The following PTCHD1 variants were observed in gnomAD, a reference collection of about 807,000 sequenced individuals.
PTCHD1 encodes patched domain containing 1.
A neutral mutation model predicts 34.6 loss-of-function variants in PTCHD1; 3 were observed. That is an observed-to-expected ratio of 0.09 (90% CI 0.04 to 0.22). PTCHD1 has a LOEUF of 0.22. PTCHD1 is among the 10% of genes least tolerant of loss of function. The pLI is 1.00. For missense variants in PTCHD1, 504 were observed against 685.5 expected (o/e 0.74, Z 2.96); for synonymous variants, 305 against 283.1 (o/e 1.08, Z -0.77).
At chrX:23,342,320 T>G (rs1601901799) in intron 1 of PTCHD1, among the ~76,000 whole-genome samples, 2 of 47,413 alleles carry the variant, frequency 4.2e-5, no homozygotes, top group Admixed American at 2.7e-4. Context: ...ATTTTTTTTT[T>G]TTTTTTTTTT....
intron 1 of PTCHD1, among the ~76,000 whole-genome samples, chrX:23,344,736 G>A: frequency 9.0e-6 from 1 of 111,430 alleles, no homozygotes; most frequent in Admixed American, 9.5e-5. Context: ...CATGCCTGAT[G>A]GGGCTTTGCA....
rs1361900166 is a variant in PTCHD1, at chrX:23,399,555, G to A, written c.*5370G>A. On this transcript the variant is annotated 3_prime_UTR_variant, in exon 3 of 3. Coordinates refer to ENST00000379361, the MANE Select transcript of PTCHD1 (RefSeq NM_173495.3). ...TCCTGGTGTCCTCATTTTGGCTAAT[G>A]AGCAATCAAGAACTTTTGAACTATC... is the stretch of plus-strand genomic sequence containing the variant. The A allele has an allele frequency of 8.9e-6, 1 of 112,022 alleles. No homozygotes were observed. The highest frequency in any genetic ancestry group is 1.9e-5 in the Non-Finnish European group (1 of 53,220). 9.2% of individuals were successfully genotyped at this position (112,022 alleles called of 1,213,427 possible).
intron 2 of PTCHD1, among the ~76,000 whole-genome samples, chrX:23,387,305 C>T (rs1414864122): frequency 1.8e-5 from 2 of 111,468 alleles, no homozygotes; most frequent in African/African-American, 6.5e-5. Flanking sequence ...AGGCTTTGGT[C>T]AGGCCCCAGA....
At chrX:23,358,344 T>C (rs944857651) in intron 1 of PTCHD1, among the ~76,000 whole-genome samples, 21 of 112,135 alleles carry the variant, frequency 1.9e-4, no homozygotes, top group Non-Finnish European at 3.6e-4. Flanking sequence ...TTTTAATGAT[T>C]GCCATTCTAA....
chrX:23,377,592 G>A (rs1052140078), intron 1 of PTCHD1, among the ~76,000 whole-genome samples: 1 of 108,620 alleles, frequency 9.2e-6, no homozygotes, highest in Admixed American at 9.9e-5. Flanking sequence ...GTGTGTGTGT[G>A]TGTGTGTGTG....
rs1447432751 is a variant in PTCHD1, at chrX:23,388,569, G to A, written c.1013-3962G>A. Among the ~76,000 whole-genome samples, 13 of 111,963 alleles carry A rather than the reference G, an allele frequency of 1.2e-4. No individual in the cohort carries two copies. The Admixed American group carries it at 1.2e-3, about 11-fold the overall frequency. On this transcript the variant is annotated intron_variant, in intron 2 of 2. Coordinates refer to ENST00000379361, the MANE Select transcript of PTCHD1 (RefSeq NM_173495.3). ...GGGTTGTGCGTGGTGGCTCATGCCTGTATAGAATCCCAGCACTTTGGGAGG... is the reference window on the plus strand; with the variant it reads ...GGGTTGTGCGTGGTGGCTCATGCCTATATAGAATCCCAGCACTTTGGGAGG...
intron 1 of PTCHD1, among the ~76,000 whole-genome samples, chrX:23,361,665 G>A (rs1316393361): frequency 8.9e-6 from 1 of 111,753 alleles, no homozygotes; most frequent in Non-Finnish European, 1.9e-5. Flanking sequence ...GGTTAATATT[G>A]TTATGTGTGA....
chrX:23,373,263 G>A (rs1202750273), intron 1 of PTCHD1, among the ~76,000 whole-genome samples: 3 of 112,448 alleles, frequency 2.7e-5, no homozygotes, highest in African/African-American at 9.7e-5. Context: ...GTCAGTACCC[G>A]CAATAAGAGT....
At chrX:23,378,039 A>T (rs183162458) in intron 1 of PTCHD1, among the ~76,000 whole-genome samples, 1 of 111,934 alleles carries the variant, frequency 8.9e-6, no homozygotes, top group East Asian at 2.8e-4. Context: ...CTCTTGAGAG[A>T]GTCCACTCAG....
intron 1 of PTCHD1, among the ~76,000 whole-genome samples, chrX:23,345,437 A>G (rs768549792): frequency 2.7e-5 from 3 of 112,278 alleles, no homozygotes; most frequent in Non-Finnish European, 3.8e-5. Flanking sequence ...TTTTGAGTAG[A>G]GCAGTAGATT....
chrX:23,363,393 G>A (rs953788663), intron 1 of PTCHD1, among the ~76,000 whole-genome samples: 5 of 112,872 alleles, frequency 4.4e-5, no homozygotes, highest in South Asian at 3.7e-4. Flanking sequence ...CTGCTACCTC[G>A]CAGGTCGATC....
At chrX:23,354,248 G>C (rs1029664391) in intron 1 of PTCHD1, among the ~76,000 whole-genome samples, 1 of 110,564 alleles carries the variant, frequency 9.0e-6, no homozygotes, top group African/African-American at 3.3e-5. Flanking sequence ...AAATTAGAGC[G>C]GTAGCCCTTC....
intron 1 of PTCHD1, among the ~76,000 whole-genome samples, chrX:23,374,009 T>G (rs1272714306): frequency 9.0e-6 from 1 of 110,833 alleles, no homozygotes; most frequent in African/African-American, 3.3e-5. Context: ...TGCAGCTTAT[T>G]TGGGAGTAGA....
rs769505128 is a variant in PTCHD1, at chrX:23,397,999, T to A, written c.*3814T>A. ...ATAATATCAGTAAATGTCTTTAAATTCAGCAAATACTTATCGAGTGCCAAA... is the reference window on the plus strand; with the variant it reads ...ATAATATCAGTAAATGTCTTTAAATACAGCAAATACTTATCGAGTGCCAAA... On this transcript the variant is annotated 3_prime_UTR_variant, in exon 3 of 3. Transcript: ENST00000379361. 2 of 112,122 alleles carry A rather than the reference T, an allele frequency of 1.8e-5. No individual in the cohort carries two copies. The highest frequency in any genetic ancestry group is 7.5e-4 in the South Asian group (2 of 2,657). The allele number at this position is 112,122 out of a possible 1,213,427, so 9.2% of individuals were successfully genotyped here. A position where few individuals can be genotyped will look rare whatever the true frequency, so the allele number is the denominator to read the frequency against.
At chrX:23,361,275 T>C (rs1201262940) in intron 1 of PTCHD1, among the ~76,000 whole-genome samples, 3 of 111,755 alleles carry the variant, frequency 2.7e-5, no homozygotes, top group Non-Finnish European at 5.6e-5. Flanking sequence ...TATTACTGTG[T>C]GGGAGTCTAA....
chrX:23,376,774 C>A (rs1922423370), intron 1 of PTCHD1, among the ~76,000 whole-genome samples: 4 of 112,121 alleles, frequency 3.6e-5, no homozygotes, highest in African/African-American at 1.3e-4. Context: ...AGCCAACACC[C>A]TCTCTCTGGC....
chrX:23,400,446 C>T lies in PTCHD1; in HGVS notation c.*6261C>T, dbSNP rs1485409601. The stretch of plus-strand genomic sequence containing the variant: ...TGAGCCGAGATTTCACCACTGCCCT[C>T]CAGACTGGCAACAGAGTGAGACTTC... On this transcript the variant is annotated 3_prime_UTR_variant, in exon 3 of 3. Transcript: ENST00000379361. 1.8e-5 allele frequency: 2 copies of T among 112,730 alleles called. No individual in the cohort carries two copies. Among genetic ancestry groups the T allele is most frequent in the South Asian group, 7.4e-4 (2 of 2,721 alleles). 9.3% of individuals were successfully genotyped at this position (112,730 alleles called of 1,213,427 possible).
intron 2 of PTCHD1, among the ~76,000 whole-genome samples, chrX:23,390,336 A>G (rs1302839518): frequency 9.1e-6 from 1 of 109,858 alleles, no homozygotes; most frequent in Non-Finnish European, 1.9e-5. Flanking sequence ...CAGGAAAAAA[A>G]AAAAAAAAAC....
chrX:23,377,775 C>CTTT (rs1182059470), intron 1 of PTCHD1, among the ~76,000 whole-genome samples: 1 of 111,706 alleles, frequency 9.0e-6, no homozygotes, highest in Non-Finnish European at 1.9e-5. Context: ...AATGAAAGCA[C>CTTT]TTTGACAGCT....
Sources: gnomAD v4.1 joint callset for allele counts (sites outside exome capture counted in the v4.1 genomes callset) on GRCh38, gnomAD v4.1.1 for gene constraint, MANE v1.5 for transcripts, NCBI Gene and HGNC (gene_info 2026-07-23, HGNC 2026-07-21) for gene names.